Variants in CBLB observed in about 807,000 individuals in gnomAD.
The protein encoded by CBLB is E3 ubiquitin-protein ligase CBL-B.
CBLB carries 31 observed loss-of-function variants against 104.9 expected under a neutral mutation model. The ratio of observed to expected loss-of-function variants is 0.30; its 90% CI spans 0.22 to 0.40. The LOEUF is 0.40. CBLB is among the 10% of genes least tolerant of loss of function. The probability of loss-of-function intolerance (pLI) is 1.00; values close to 1 mark genes in which losing one functional copy is unlikely to be tolerated. For synonymous variants in CBLB, 440 were observed against 422.6 expected, an observed-to-expected ratio of 1.04 and a Z score of -0.51; for missense variants, 1,062 against 1,214.6, an observed-to-expected ratio of 0.87 and a Z score of 1.87.
intron 3 of CBLB, among the ~76,000 whole-genome samples, chr3:105,842,061 T>C (rs995933540): frequency 5.9e-5 from 9 of 151,670 alleles, no homozygotes; most frequent in Non-Finnish European, 1.2e-4. Flanking sequence ...ATAAAGATAA[T>C]GTCTCCTTCC....
chr3:105,723,976 T>G (rs75820797), intron 9 of CBLB: 3,781 of 158,098 alleles, frequency 0.024, 107 homozygotes, highest in East Asian at 0.13. Context: ...TGTATGTGTA[T>G]GCATATGTAT....
At chr3:105,863,955 G>C (rs1213235145) in intron 2 of CBLB, among the ~76,000 whole-genome samples, 1 of 152,056 alleles carries the variant, frequency 6.6e-6, no homozygotes, top group Non-Finnish European at 1.5e-5. Context: ...TCCATCACCT[G>C]GCTAAGATTC....
At chr3:105,659,811 C>T (rs915789894) in intron 18 of CBLB, among the ~76,000 whole-genome samples, 3 of 151,586 alleles carry the variant, frequency 2.0e-5, no homozygotes, top group Non-Finnish European at 4.4e-5. Context: ...CTTACTGATG[C>T]TAGGAGAAAA....
Position 105,656,682 on chromosome 3 carries a change from C to T in CBLB, c.*2288G>A, listed in dbSNP as rs1358903576. ...ATCACTAGTCCTTTTTTAATTCTCA[C>T]TGGAAATTTTCAAATATTGTTTATA... On this transcript the variant is annotated 3_prime_UTR_variant, in exon 19 of 19. Transcript: ENST00000394030. The T allele has an allele frequency of 6.0e-6, 1 of 165,532 alleles. No individual in the cohort carries two copies. The highest frequency in any genetic ancestry group is 2.6e-5 in the African/African-American group (1 of 37,776). The allele number at this position is 165,532 out of a possible 1,614,324, so 10.3% of individuals were successfully genotyped here. A position where few individuals can be genotyped will look rare whatever the true frequency, so the allele number is the denominator to read the frequency against.
At chr3:105,823,262 C>T (rs951929362) in intron 3 of CBLB, among the ~76,000 whole-genome samples, 2 of 152,058 alleles carry the variant, frequency 1.3e-5, no homozygotes, top group African/African-American at 4.8e-5. Context: ...CAAATAAAAC[C>T]ACACAGAATG....
intron 4 of CBLB, among the ~76,000 whole-genome samples, chr3:105,769,915 G>A (rs1179087696): frequency 1.3e-5 from 2 of 152,190 alleles, no homozygotes; most frequent in Admixed American, 6.5e-5. Context: ...AGACTAATCA[G>A]AAGGTTGTTG....
chr3:105,719,783 G>C (rs757925052), intron 10 of CBLB, among the ~76,000 whole-genome samples: 3 of 152,108 alleles, frequency 2.0e-5, no homozygotes, highest in Non-Finnish European at 2.9e-5. Context: ...GGTTCTTCAG[G>C]AGGTATTCTA....
chr3:105,869,146 C>T (rs983793083), upstream of CBLB: 88 of 690,984 alleles, frequency 1.3e-4, no homozygotes, highest in African/African-American at 3.7e-4. Flanking sequence ...ACGGGAGGCG[C>T]CCGTCCTCCT....
At chr3:105,749,617 C>T (rs1451576637) in intron 5 of CBLB, 2 of 159,460 alleles carry the variant, frequency 1.3e-5, no homozygotes, top group Non-Finnish European at 1.4e-5. Context: ...AAAAAATATA[C>T]TCACTTCCTA....
chr3:105,789,723 T>C (rs937683447), intron 3 of CBLB, among the ~76,000 whole-genome samples: 3 of 152,268 alleles, frequency 2.0e-5, no homozygotes, highest in Admixed American at 2.0e-4. Context: ...ACGCTGCCAT[T>C]TAAATTATGT....
intron 4 of CBLB, among the ~76,000 whole-genome samples, chr3:105,770,694 A>G (rs1000209884): frequency 7.9e-5 from 12 of 152,160 alleles, no homozygotes; most frequent in Non-Finnish European, 1.5e-4. Flanking sequence ...GAAGAGGGGC[A>G]TGGCTTTTTG....
At chr3:105,711,264 TATA>T (rs1374949707) in intron 10 of CBLB, among the ~76,000 whole-genome samples, 2 of 152,014 alleles carry the variant, frequency 1.3e-5, no homozygotes, top group African/African-American at 4.8e-5. Context: ...ATACAGTTAC[TATA>T]ATAAGGATGA....
intron 10 of CBLB, among the ~76,000 whole-genome samples, chr3:105,705,188 TA>T (rs2069893207): frequency 6.6e-6 from 1 of 152,220 alleles, no homozygotes; most frequent in African/African-American, 2.4e-5. Flanking sequence ...TAACATTACT[TA>T]CCTTTGTACG....
chr3:105,730,460 T>C (rs1559993078), intron 9 of CBLB, among the ~76,000 whole-genome samples: 1 of 152,114 alleles, frequency 6.6e-6, no homozygotes, highest in Non-Finnish European at 1.5e-5. Context: ...AGACTTCCTT[T>C]TCTTTTACAT....
intron 3 of CBLB, among the ~76,000 whole-genome samples, chr3:105,792,188 G>A (rs2081738280): frequency 6.6e-6 from 1 of 152,112 alleles, no homozygotes; most frequent in Admixed American, 6.5e-5. Context: ...TGAAAGCACT[G>A]GTTTAGCAGG....
At chr3:105,832,901 G>T (rs1257831828) in intron 3 of CBLB, among the ~76,000 whole-genome samples, 1 of 152,156 alleles carries the variant, frequency 6.6e-6, no homozygotes, top group East Asian at 1.9e-4. Flanking sequence ...AATACCATGA[G>T]ATAAAATAAT....
intron 18 of CBLB, among the ~76,000 whole-genome samples, chr3:105,663,638 CAG>C (rs373351438): frequency 0.01 from 1,578 of 152,252 alleles, 20 homozygotes; most frequent in African/African-American, 0.035. Context: ...CAGCCTCCAA[CAG>C]AGTGACAAAC....
At chr3:105,800,635 C>T (rs1252450155) in intron 3 of CBLB, among the ~76,000 whole-genome samples, 1 of 152,034 alleles carries the variant, frequency 6.6e-6, no homozygotes, top group Non-Finnish European at 1.5e-5. Flanking sequence ...TTGACAATAA[C>T]CTAGAATTAC....
intron 12 of CBLB, among the ~76,000 whole-genome samples, chr3:105,700,852 T>A (rs2068997043): frequency 6.6e-6 from 1 of 152,200 alleles, no homozygotes; most frequent in Admixed American, 6.5e-5. Flanking sequence ...TCACTGTACC[T>A]CCACACACAG....
Sources: allele counts gnomAD v4.1 joint callset (sites outside exome capture counted in the v4.1 genomes callset), GRCh38; gene constraint gnomAD v4.1.1; transcripts MANE v1.5; gene names NCBI Gene and HGNC (gene_info 2026-07-23, HGNC 2026-07-21).